Variants in CADM2 observed in about 807,000 individuals in gnomAD.
The protein encoded by CADM2 is cell adhesion molecule 2, also known as immunoglobulin superfamily member 4D.
Under a neutral mutation model 49.8 loss-of-function variants are expected in CADM2, and 12 were observed. That is an observed-to-expected ratio of 0.24 (90% CI 0.15 to 0.39). The LOEUF (loss-of-function observed/expected upper bound fraction) is 0.39, where lower values mean the gene tolerates loss of function less well. Ranked by LOEUF, CADM2 falls within the 10% of genes least tolerant of loss-of-function variation. The pLI is 1.00. For missense variants in CADM2, 378 were observed against 492.3 expected, an observed-to-expected ratio of 0.77 and a Z score of 2.20; for synonymous variants, 214 against 175.4, an observed-to-expected ratio of 1.22 and a Z score of -1.74.
intron 1 of CADM2, among the ~76,000 whole-genome samples, chr3:85,568,429 TTC>T (rs2062347072): frequency 8.5e-5 from 2 of 23,656 alleles, no homozygotes; most frequent in African/African-American, 1.2e-4. Context: ...CTTTCTTTCT[TTC>T]TTTCTTTCTT....
chr3:85,515,263 A>T (rs1307046048), intron 1 of CADM2, among the ~76,000 whole-genome samples: 3 of 152,148 alleles, frequency 2.0e-5, no homozygotes, highest in African/African-American at 7.2e-5. Context: ...AGATCAGTTA[A>T]CAAATGTAAC....
intron 1 of CADM2, among the ~76,000 whole-genome samples, chr3:85,453,162 T>C (rs1257204969): frequency 2.6e-5 from 4 of 152,180 alleles, no homozygotes; most frequent in Admixed American, 2.6e-4. Context: ...AAAGAGAAAC[T>C]ATTTCATTCC....
rs2107702809 is a variant in CADM2 at position 85,699,140 on chromosome 3, C to T, written c.62-27382C>T. On this transcript the variant is annotated intron_variant, in intron 1 of 9. Transcript: ENST00000383699. Reference sequence around the variant, plus strand: ...AAATAATCTCCTTTGACTCCATGTCCCACATCCATGACACGCTGGTGCAAG... The same window carrying T: ...AAATAATCTCCTTTGACTCCATGTCTCACATCCATGACACGCTGGTGCAAG... Among the ~76,000 whole-genome samples, 2 of 152,246 alleles carry T rather than the reference C, an allele frequency of 1.3e-5. 1 individual carries two copies. The highest frequency in any genetic ancestry group is 6.8e-3 in the Middle Eastern group (2 of 294).
intron 8 of CADM2, among the ~76,000 whole-genome samples, chr3:86,059,039 A>C (rs1050786889): frequency 6.7e-6 from 1 of 150,338 alleles, no homozygotes; most frequent in African/African-American, 2.5e-5. Context: ...GGTTGCAGAG[A>C]GCTGAGATTG....
intron 1 of CADM2, among the ~76,000 whole-genome samples, chr3:85,003,696 A>T (rs1305269739): frequency 6.6e-6 from 1 of 152,160 alleles, no homozygotes; most frequent in Non-Finnish European, 1.5e-5. Context: ...AAGGATTCCC[A>T]GGCAACTCTT....
chr3:85,253,973 A>G (rs1006869663), intron 1 of CADM2, among the ~76,000 whole-genome samples: 6 of 152,040 alleles, frequency 3.9e-5, no homozygotes, highest in Admixed American at 1.3e-4. Context: ...GATATTATCT[A>G]TTTGAAGATA....
At chr3:85,396,777 A>G (rs1260121801) in intron 1 of CADM2, among the ~76,000 whole-genome samples, 1 of 152,086 alleles carries the variant, frequency 6.6e-6, no homozygotes, top group Non-Finnish European at 1.5e-5. Flanking sequence ...AAAATGGATC[A>G]AATACCTAAA....
chr3:85,598,890 A>G (rs545092189), intron 1 of CADM2, among the ~76,000 whole-genome samples: 3 of 151,922 alleles, frequency 2.0e-5, no homozygotes, highest in Admixed American at 6.6e-5. Context: ...TTATACACAC[A>G]TAGACATATA....
chr3:85,405,245 A>G (rs1421597979), intron 1 of CADM2, among the ~76,000 whole-genome samples: 1 of 152,212 alleles, frequency 6.6e-6, no homozygotes, highest in African/African-American at 2.4e-5. Flanking sequence ...TCTGTATCCT[A>G]GAACAGTTTT....
intron 1 of CADM2, among the ~76,000 whole-genome samples, chr3:85,679,448 A>G (rs1240029743): frequency 6.6e-6 from 1 of 152,162 alleles, no homozygotes; most frequent in East Asian, 1.9e-4. Flanking sequence ...ATAATGTTGT[A>G]GTTCCCATGA....
At position 85,721,542 on chromosome 3, in the gene CADM2, T is replaced by C. The variant is rs941163543; in HGVS notation, c.62-4980T>C. Among the ~76,000 whole-genome samples the C allele has an allele frequency of 2.6e-5, 4 of 152,126 alleles. No homozygotes were observed. The East Asian group carries it at 7.7e-4, about 29-fold the overall frequency. On this transcript the variant is annotated intron_variant, in intron 1 of 9. Transcript: ENST00000383699. ...TGTGTGAGATGGGGTCCAGACACTG[T>C]GCACAGTCAGACATGCCAGGTGCTC...
intron 8 of CADM2, among the ~76,000 whole-genome samples, chr3:86,004,842 C>T (rs1477925252): frequency 2.6e-5 from 4 of 152,174 alleles, no homozygotes; most frequent in Admixed American, 6.5e-5. Flanking sequence ...GTGGTAACTT[C>T]CTACCTGGGC....
chr3:85,019,605 C>CTTCATGAATA (rs1301653392), intron 1 of CADM2, among the ~76,000 whole-genome samples: 1 of 152,144 alleles, frequency 6.6e-6, no homozygotes, highest in African/African-American at 2.4e-5. Context: ...GAATAAAATG[C>CTTCATGAATA]TTCATGAATA....
At chr3:85,530,071 T>C (rs1167859538) in intron 1 of CADM2, among the ~76,000 whole-genome samples, 1 of 151,940 alleles carries the variant, frequency 6.6e-6, no homozygotes, top group Non-Finnish European at 1.5e-5. Flanking sequence ...GGAAGAGACT[T>C]AGTGGGAGGT....
At chr3:85,057,372 T>C (rs183929297) in intron 1 of CADM2, among the ~76,000 whole-genome samples, 1 of 152,190 alleles carries the variant, frequency 6.6e-6, no homozygotes, top group African/African-American at 2.4e-5. Context: ...AAATATTTTA[T>C]GAAATCTTCA....
intron 1 of CADM2, among the ~76,000 whole-genome samples, chr3:85,474,697 A>AGT (rs1313908554): frequency 6.6e-6 from 1 of 151,612 alleles, no homozygotes; most frequent in Non-Finnish European, 1.5e-5. Context: ...TGATTGTGTG[A>AGT]GTGTGTGTGT....
chr3:85,515,043 T>G (rs998812861), intron 1 of CADM2, among the ~76,000 whole-genome samples: 1 of 152,156 alleles, frequency 6.6e-6, no homozygotes, highest in Non-Finnish European at 1.5e-5. Context: ...ATAAAAATAG[T>G]ACAAAAAGTC....
At chr3:85,980,625 GAC>G (rs1727359591) in intron 8 of CADM2, among the ~76,000 whole-genome samples, 1 of 151,326 alleles carries the variant, frequency 6.6e-6, no homozygotes, top group East Asian at 1.9e-4. Flanking sequence ...TGGGAAAAGA[GAC>G]ATAATGAAAA....
chr3:85,786,088 A>C (rs1040611035), intron 2 of CADM2, among the ~76,000 whole-genome samples: 2 of 152,074 alleles, frequency 1.3e-5, no homozygotes, highest in African/African-American at 4.8e-5. Flanking sequence ...TTTGCTGTGA[A>C]TGTATTTTTT....
Sources: allele counts gnomAD v4.1 joint callset (sites outside exome capture counted in the v4.1 genomes callset), GRCh38; gene constraint gnomAD v4.1.1; transcripts MANE v1.5; gene names NCBI Gene and HGNC (gene_info 2026-07-23, HGNC 2026-07-21).